Variants in WDR36 observed in about 807,000 individuals in gnomAD.
WDR36 encodes WD repeat domain 36, also known as WD repeat-containing protein 36.
In WDR36, 63 loss-of-function variants were observed where a neutral mutation model predicts 112.7. That is an observed-to-expected ratio of 0.56 (90% CI 0.46 to 0.69). The LOEUF (loss-of-function observed/expected upper bound fraction) is 0.69. Ranked by LOEUF, WDR36 falls within the 30% of genes least tolerant of loss-of-function variation. The pLI is 0.00. For synonymous variants in WDR36, 410 were observed against 362.2 expected (o/e 1.13, Z -1.50); for missense variants, 1,226 against 1,070.3 (o/e 1.15, Z -2.03).
chr5:111,113,774 G>C (rs1454125416), intron 16 of WDR36, among the ~76,000 whole-genome samples: 1 of 151,974 alleles, frequency 6.6e-6, no homozygotes, highest in Non-Finnish European at 1.5e-5. Flanking sequence ...AAGGTGGTAT[G>C]GAGAATCACA....
In WDR36 at chr5:111,106,041, T is replaced by C; in HGVS notation, c.1094-16T>C. On this transcript the variant is annotated splice_polypyrimidine_tract_variant and intron_variant, in intron 10 of 22. Coordinates refer to ENST00000513710, the MANE Select transcript of WDR36 (RefSeq NM_139281.3). ...GGATTCATAGCTATGTATGTTCCCCTTTCCCCCATCCTTAGGATTAATAAA... is the reference window on the plus strand; with the variant it reads ...GGATTCATAGCTATGTATGTTCCCCCTTCCCCCATCCTTAGGATTAATAAA... 6.3e-7 allele frequency: 1 copy of C among 1,589,816 alleles called. No homozygotes were observed. Among genetic ancestry groups the C allele is most frequent in the Non-Finnish European group, 8.6e-7 (1 of 1,158,990 alleles).
chr5:111,104,056 A>C, intron 7 of WDR36, 121 bp from the exon 8 acceptor site: 4 of 1,384,694 alleles, frequency 2.9e-6, no homozygotes, highest in Non-Finnish European at 4.0e-6. Context: ...AGAAATATGA[A>C]TAGATTATTG....
intron 2 of WDR36, among the ~76,000 whole-genome samples, chr5:111,095,769 GATTTTCTTTT>G (rs1752964089): frequency 6.6e-6 from 1 of 152,162 alleles, no homozygotes; most frequent in Non-Finnish European, 1.5e-5. Context: ...AGCCTATAGT[GATTTTCTTTT>G]GCCATCATTC....
rs114474625 is a variant in WDR36 at position 111,096,116 on chromosome 5, C to T, written c.191-963C>T. Among the ~76,000 whole-genome samples, 538 of 152,218 alleles carry T rather than the reference C, an allele frequency of 3.5e-3. 6 individuals are homozygous for T. Among genetic ancestry groups the T allele is most frequent in the African/African-American group, 0.012 (515 of 41,554 alleles). On this transcript the variant is annotated intron_variant, in intron 2 of 22. Transcript: ENST00000513710. ...TATGGAATTTGCAGCATGAAAAGTA[C>T]AACAATCCTGTGTCTACTAACCCTC...
At chr5:111,118,964 C>G (rs1580402544) in intron 16 of WDR36, 49 bp from the exon 17 acceptor site, 2 of 1,464,090 alleles carry the variant, frequency 1.4e-6, no homozygotes, top group East Asian at 2.3e-5. Context: ...TGAATTATCT[C>G]CTTTTTGGTA....
At chr5:111,110,756 A>T (rs941961216) in intron 13 of WDR36, 32 bp from the exon 14 acceptor site, 33 of 1,518,070 alleles carry the variant, frequency 2.2e-5, no homozygotes, top group Middle Eastern at 1.8e-4. Context: ...GCCAATTCTG[A>T]TTTTTTTTTT....
chr5:111,118,999 A>C lies in WDR36; in HGVS notation c.1797-14A>C, dbSNP rs750824625. The C allele has an allele frequency of 1.1e-5, 18 of 1,596,286 alleles. No individual in the cohort carries two copies. Among genetic ancestry groups the C allele is most frequent in the Non-Finnish European group, 1.5e-5 (18 of 1,164,238 alleles). ...AGAGTTCAAATACTTTTAACATGTT[A>C]ATTATTTCTGTAGCCTTATAGACTG... On this transcript the variant is annotated splice_polypyrimidine_tract_variant and intron_variant, in intron 16 of 22. Transcript: ENST00000513710.
At chr5:111,102,258 T>C in intron 5 of WDR36, 87 bp from the exon 6 acceptor site, 1 of 961,578 alleles carries the variant, frequency 1.0e-6, no homozygotes, top group South Asian at 1.5e-5. Flanking sequence ...ATATCACCTA[T>C]TATTATTTCA....
chr5:111,097,957 G>A (rs1165765727), intron 3 of WDR36, among the ~76,000 whole-genome samples: 1 of 152,168 alleles, frequency 6.6e-6, no homozygotes, highest in Non-Finnish European at 1.5e-5. Flanking sequence ...GTTCATTTTT[G>A]TATTGTTGTT....
chr5:111,114,144 A>T (rs1314403647), intron 16 of WDR36, among the ~76,000 whole-genome samples: 2 of 152,208 alleles, frequency 1.3e-5, no homozygotes, highest in African/African-American at 2.4e-5. Context: ...CAGAGGAGAC[A>T]TACAGAATGT....
chr5:111,097,361 G>A (rs1438278451), intron 3 of WDR36, among the ~76,000 whole-genome samples, 182 bp downstream of exon 3: 5 of 152,048 alleles, frequency 3.3e-5, no homozygotes, highest in Non-Finnish European at 7.4e-5. Context: ...ACTTAAAACT[G>A]GTGCTTTACT....
At chr5:111,124,617 A>G (rs1273885425) in intron 21 of WDR36, among the ~76,000 whole-genome samples, 1 of 152,190 alleles carries the variant, frequency 6.6e-6, no homozygotes, top group Non-Finnish European at 1.5e-5. Flanking sequence ...TTATTTTATT[A>G]AAAAGGAAAT....
At chr5:111,120,314 A>T (rs780591909) in intron 17 of WDR36, among the ~76,000 whole-genome samples, 182 bp from the exon 18 acceptor site, 6 of 152,202 alleles carry the variant, frequency 3.9e-5, no homozygotes, top group Non-Finnish European at 8.8e-5. Flanking sequence ...TAATGTATTT[A>T]CACAGCTTTG....
At chr5:111,113,670 T>G (rs1436988287) in intron 16 of WDR36, among the ~76,000 whole-genome samples, 5 of 151,954 alleles carry the variant, frequency 3.3e-5, no homozygotes, top group Admixed American at 1.3e-4. Flanking sequence ...AGAAAAGGAG[T>G]TTATTTCTTA....
At chr5:111,096,106 A>G (rs1752972415) in intron 2 of WDR36, among the ~76,000 whole-genome samples, 1 of 152,236 alleles carries the variant, frequency 6.6e-6, no homozygotes, top group Non-Finnish European at 1.5e-5. Context: ...AATTTGCAGC[A>G]TGAAAAGTAC....
chr5:111,105,678 C>T (rs1258290325), intron 10 of WDR36, among the ~76,000 whole-genome samples: 1 of 151,504 alleles, frequency 6.6e-6, no homozygotes, highest in African/African-American at 2.4e-5. Flanking sequence ...TTAGAGAAAG[C>T]ATCAAAGTAA....
intron 7 of WDR36, 88 bp from the exon 8 acceptor site, chr5:111,104,089 T>C (rs1753173220): frequency 7.0e-7 from 1 of 1,435,132 alleles, no homozygotes; most frequent in Non-Finnish European, 9.5e-7. Flanking sequence ...TTTCTAACTT[T>C]ATGGATTAAA....
At chr5:111,120,899 T>G (rs959046029) in intron 18 of WDR36, 97 bp from the exon 19 acceptor site, 1 of 1,093,894 alleles carries the variant, frequency 9.1e-7, no homozygotes, top group Admixed American at 1.9e-5. Context: ...AAGGCTGCAT[T>G]AAATGAACAT....
At position 111,098,784 on chromosome 5, in the gene WDR36, C is replaced by T. The variant is rs772987890; in HGVS notation, c.354C>T (p.His118=). Residue 118 remains histidine (H), a synonymous_variant, in exon 4 of 23, where the codon CAC becomes CAT. Coordinates refer to ENST00000513710, the MANE Select transcript of WDR36 (RefSeq NM_139281.3). The part of the protein sequence containing the change: ...EIHFLQPFGD[H]IISVDTDGIL... Reference sequence around the variant, plus strand: ...ATTTCTTGCAACCCTTTGGAGACCACATTATCTCTGTTGATACTGATGGCA... The same window carrying T: ...ATTTCTTGCAACCCTTTGGAGACCATATTATCTCTGTTGATACTGATGGCA... The T allele has an allele frequency of 2.1e-5, 34 of 1,612,816 alleles. No homozygotes were observed. The African/African-American group carries it at 4.5e-4, about 22-fold the overall frequency.
Sources: allele counts gnomAD v4.1 joint callset (sites outside exome capture counted in the v4.1 genomes callset), GRCh38; gene constraint gnomAD v4.1.1; transcripts MANE v1.5; gene names NCBI Gene and HGNC (gene_info 2026-07-23, HGNC 2026-07-21).